Variants in CHD7 observed in about 807,000 individuals in gnomAD.
The protein encoded by CHD7 is ATP-dependent chromatin remodeler CHD7.
A neutral mutation model predicts 307.3 loss-of-function variants in CHD7; 24 were observed. That is an observed-to-expected ratio of 0.08 (90% CI 0.06 to 0.11). CHD7 has a LOEUF of 0.11. Among genes scored for constraint, CHD7 ranks in the 10% least tolerant of loss-of-function variants. The pLI, the probability that CHD7 is intolerant of heterozygous loss-of-function variation, is 1.00. For missense variants in CHD7, 3,106 were observed against 3,727.1 expected (o/e 0.83, Z 4.34); for synonymous variants, 1,363 against 1,349.9 (o/e 1.01, Z -0.21).
intron 15 of CHD7, among the ~76,000 whole-genome samples, chr8:60,833,396 T>TA (rs1191687579): frequency 3.9e-5 from 6 of 152,198 alleles, no homozygotes; most frequent in Non-Finnish European, 5.9e-5. Flanking sequence ...AGAGCTGACT[T>TA]AAGAGTTGTT....
intron 2 of CHD7, among the ~76,000 whole-genome samples, chr8:60,768,834 GAA>G (rs35450167): frequency 1.1e-4 from 16 of 151,316 alleles, no homozygotes; most frequent in Admixed American, 3.9e-4. Flanking sequence ...AAGCTACCAT[GAA>G]AAAAAAAACC....
chr8:60,776,990 G>T (rs997657344), intron 2 of CHD7, among the ~76,000 whole-genome samples: 1 of 152,186 alleles, frequency 6.6e-6, no homozygotes, highest in African/African-American at 2.4e-5. Flanking sequence ...ATAGTTTAGT[G>T]TTCTAAAAGC....
chr8:60,836,695 C>A, intron 16 of CHD7, 122 bp from the exon 17 acceptor site: 1 of 661,254 alleles, frequency 1.5e-6, no homozygotes, highest in Non-Finnish European at 2.4e-6. Context: ...GAGATTAGTT[C>A]TGTTAAGTCA....
chr8:60,839,188 A>G (rs1804865039), intron 19 of CHD7, among the ~76,000 whole-genome samples: 2 of 152,220 alleles, frequency 1.3e-5, no homozygotes, highest in South Asian at 4.1e-4. Flanking sequence ...ATGGAATCAT[A>G]TGATGTATGA....
In CHD7 at chr8:60,816,411, A is replaced by G. The variant is rs970128606; in HGVS notation, c.2523A>G (p.Ala841=). Residue 841 remains alanine (A), a synonymous_variant, in exon 8 of 38, where the codon GCA becomes GCG. Transcript: ENST00000423902. ...GCTCTTATCTTCATTGTCAGTGGGC[A>G]TCTATAGAAGATCTGGAAAAAGATA... is the stretch of plus-strand genomic sequence containing the variant. ...KNFSYLHCQW[A]SIEDLEKDKR... is the part of the protein sequence containing the mutation. 63 of 1,598,424 alleles carry G rather than the reference A, an allele frequency of 3.9e-5. No homozygotes were observed. Among genetic ancestry groups the G allele is most frequent in the Non-Finnish European group, 5.3e-5 (62 of 1,168,448 alleles).
intron 1 of CHD7, among the ~76,000 whole-genome samples, chr8:60,722,487 T>C (rs991706193): frequency 6.6e-6 from 1 of 152,234 alleles, no homozygotes; most frequent in Non-Finnish European, 1.5e-5. Flanking sequence ...GCAAATCATT[T>C]AGAGCTATGG....
At chr8:60,760,939 C>T (rs1810166307) in intron 2 of CHD7, among the ~76,000 whole-genome samples, 1 of 152,170 alleles carries the variant, frequency 6.6e-6, no homozygotes, top group South Asian at 2.1e-4. Context: ...TGTGGCGATT[C>T]CTCAGGGATC....
At chr8:60,785,905 T>G (rs1586324964) in intron 3 of CHD7, among the ~76,000 whole-genome samples, 1 of 152,172 alleles carries the variant, frequency 6.6e-6, no homozygotes, top group East Asian at 1.9e-4. Context: ...TGGAAGACAT[T>G]GGACATTTGA....
In CHD7 at chr8:60,865,066, G is replaced by A; in HGVS notation, c.8127G>A (p.Val2709=). The A allele has an allele frequency of 6.2e-7, 1 of 1,609,644 alleles. No individual in the cohort carries two copies. The highest frequency in any genetic ancestry group is 8.5e-7 in the Non-Finnish European group (1 of 1,177,930). Reference sequence around the variant, plus strand: ...ACCGCCTTCTCACTGGGCCTGTAGTGCGGGGAGAGGGAGCGAGCAGAAGAG... The same window carrying A: ...ACCGCCTTCTCACTGGGCCTGTAGTACGGGGAGAGGGAGCGAGCAGAAGAG... ...MFDRLLTGPV[V]RGEGASRRGR... is the part of the protein sequence containing the mutation. Residue 2709 remains valine, a synonymous_variant, in exon 38 of 38, where the codon GTG becomes GTA. Coordinates refer to ENST00000423902, the MANE Select transcript of CHD7 (RefSeq NM_017780.4). This position sits in a 1 kb window ranked among gnomAD's most constrained non-coding sequence, Gnocchi z 4.3.
At chr8:60,849,946 G>A (rs1805380148) in intron 25 of CHD7, among the ~76,000 whole-genome samples, 1 of 152,150 alleles carries the variant, frequency 6.6e-6, no homozygotes, top group Non-Finnish European at 1.5e-5. Flanking sequence ...GTCAACTTGG[G>A]CAGTCAAAAA....
intron 19 of CHD7, among the ~76,000 whole-genome samples, chr8:60,839,996 G>A (rs922146905): frequency 6.6e-5 from 10 of 152,212 alleles, no homozygotes; most frequent in African/African-American, 1.4e-4. Flanking sequence ...TACTCTGGAC[G>A]GTGGGCAGTT....
chr8:60,864,558 G>A (rs546375965), intron 37 of CHD7: 4 of 184,602 alleles, frequency 2.2e-5, no homozygotes, highest in African/African-American at 7.1e-5. Flanking sequence ...ATGTTGGGTA[G>A]ATGAGGTATG....
intron 2 of CHD7, among the ~76,000 whole-genome samples, chr8:60,777,375 AC>A (rs1442910909): frequency 7.2e-5 from 11 of 152,268 alleles, no homozygotes; most frequent in Non-Finnish European, 1.5e-4. Context: ...AAAATTGCTA[AC>A]AGGCTGAGGC....
chr8:60,814,289 A>G (rs1812944770), intron 7 of CHD7, among the ~76,000 whole-genome samples: 1 of 152,226 alleles, frequency 6.6e-6, no homozygotes, highest in African/African-American at 2.4e-5. Flanking sequence ...ACTTGCTTAT[A>G]TGCTTGTGTC....
chr8:60,855,862 T>G, intron 32 of CHD7, 113 bp from the exon 33 acceptor site: 2 of 685,412 alleles, frequency 2.9e-6, no homozygotes, highest in South Asian at 3.9e-5. Context: ...CTTTTTGTCC[T>G]CCAGTTGACT....
intron 2 of CHD7, among the ~76,000 whole-genome samples, chr8:60,756,774 C>A (rs1445435350): frequency 6.6e-6 from 1 of 152,134 alleles, no homozygotes; most frequent in Non-Finnish European, 1.5e-5. Context: ...TAGTTAATAT[C>A]CACTAGATTT....
rs146802760 is a variant in CHD7, at chr8:60,744,173, A to C, written c.1665+1076A>C. Among the ~76,000 whole-genome samples, 56 of 152,328 alleles carry C rather than the reference A, an allele frequency of 3.7e-4. No homozygotes were observed. In the East Asian group the frequency reaches 9.3e-3, roughly 25 times the overall value. On this transcript the variant is annotated intron_variant, in intron 2 of 37. Coordinates refer to ENST00000423902, the MANE Select transcript of CHD7 (RefSeq NM_017780.4). ...AGACTGGGGGATGGTTTGCTAAACA[A>C]GGGCACGGGAAGTCAAGCTTGCTGC... is the stretch of plus-strand genomic sequence containing the variant.
chr8:60,850,203 A>G (rs996312841), intron 25 of CHD7, among the ~76,000 whole-genome samples: 9 of 152,342 alleles, frequency 5.9e-5, no homozygotes, highest in East Asian at 1.9e-4. Context: ...CTGGGGAAAA[A>G]TAGGGTCAGA....
In CHD7 at chr8:60,696,267, G is replaced by A. The variant is rs140159719; in HGVS notation, c.-175+17185G>A. ...ATTATAAACATAAGAAAAGACTAGGGGAAATACATCAATTTAAAAAATTAT... is the reference window on the plus strand; with the variant it reads ...ATTATAAACATAAGAAAAGACTAGGAGAAATACATCAATTTAAAAAATTAT... On this transcript the variant is annotated intron_variant, in intron 1 of 37. Transcript: ENST00000423902. Among the ~76,000 whole-genome samples, 492 of 152,120 alleles carry A rather than the reference G, an allele frequency of 3.2e-3. 3 individuals are homozygous for A. The highest frequency in any genetic ancestry group is 0.011 in the African/African-American group (437 of 41,498).
Sources: allele counts gnomAD v4.1 joint callset (sites outside exome capture counted in the v4.1 genomes callset), GRCh38; gene constraint gnomAD v4.1.1; non-coding constraint Gnocchi (gnomAD v3.1); transcripts MANE v1.5; gene names NCBI Gene and HGNC (gene_info 2026-07-23, HGNC 2026-07-21).